ASMT: variants seen among roughly 807,000 people sequenced by gnomAD.
ASMT encodes the protein acetylserotonin O-methyltransferase.
A neutral mutation model predicts 41.3 loss-of-function variants in ASMT; 53 were observed. The ratio of observed to expected loss-of-function variants is 1.28; its 90% confidence interval spans 1.03 to 1.61. The LOEUF is 1.61. Among genes scored for constraint, ASMT ranks in the 40% most tolerant of loss-of-function variants. The probability of loss-of-function intolerance (pLI) is 0.00; values close to 1 mark genes in which losing one functional copy is unlikely to be tolerated. For synonymous variants in ASMT, 231 were observed against 184.8 expected (o/e 1.25, Z -2.03); for missense variants, 531 against 441.3 (o/e 1.20, Z -1.82).
At chrX:1,625,758 T>G (rs1306104847) in intron 3 of ASMT, among the ~76,000 whole-genome samples, 1 of 151,054 alleles carries the variant, frequency 6.6e-6, no homozygotes, top group Non-Finnish European at 1.5e-5. Flanking sequence ...ATCGAGACCA[T>G]CCTGGCTAAC....
chrX:1,625,173 C>T (rs62593337), intron 3 of ASMT, among the ~76,000 whole-genome samples: 19,244 of 148,406 alleles, frequency 0.13, 1,278 homozygotes, highest in Admixed American at 0.22. Flanking sequence ...GGCGCCATCT[C>T]GGCTCATTGC....
At chrX:1,620,356 C>T (rs774831876) in intron 1 of ASMT, among the ~76,000 whole-genome samples, 13 of 151,136 alleles carry the variant, frequency 8.6e-5, no homozygotes, top group South Asian at 2.1e-4. Flanking sequence ...TTAGTAGAGA[C>T]GGGGTTTCAC....
At chrX:1,635,364 C>G (rs1188133807) in intron 7 of ASMT, among the ~76,000 whole-genome samples, 1 of 152,090 alleles carries the variant, frequency 6.6e-6, no homozygotes, top group African/African-American at 2.4e-5. Context: ...AAAACTATGA[C>G]AAGACTTGAG....
At chrX:1,624,812 C>A (rs59975928) in intron 3 of ASMT, among the ~76,000 whole-genome samples, 2 of 66,108 alleles carry the variant, frequency 3.0e-5, no homozygotes, top group Non-Finnish European at 5.2e-5. Context: ...GTGGGGGCTG[C>A]ACCCAGGCAG....
intron 3 of ASMT, among the ~76,000 whole-genome samples, chrX:1,627,357 C>T (rs780290983): frequency 9.2e-4 from 137 of 148,408 alleles, no homozygotes; most frequent in Non-Finnish European, 1.6e-3. Flanking sequence ...TGTGGTGGCT[C>T]ACACCTGTAA....
rs749531858 is a variant in ASMT, at chrX:1,643,048, A to T, written c.*34A>T. ...TGTGACCTGGAACTAACGTCAAAGCACACAAGACATAATAATAAAGACATG... is the reference window on the plus strand; with the variant it reads ...TGTGACCTGGAACTAACGTCAAAGCTCACAAGACATAATAATAAAGACATG... On this transcript the variant is annotated 3_prime_UTR_variant, in exon 9 of 9. Transcript: ENST00000381241. 2 of 1,602,332 alleles carry T rather than the reference A, an allele frequency of 1.2e-6. No homozygotes were observed. Among genetic ancestry groups the T allele is most frequent in the Non-Finnish European group, 1.7e-6 (2 of 1,169,286 alleles).
chrX:1,616,121 A>G (rs150862298), intron 1 of ASMT, among the ~76,000 whole-genome samples: 3 of 149,088 alleles, frequency 2.0e-5, no homozygotes, highest in African/African-American at 7.7e-5. Flanking sequence ...CTCCGCCTCC[A>G]GGGTTCAGGC....
chrX:1,629,802 G>A lies in ASMT; in HGVS notation c.444-19G>A. On this transcript the variant is annotated intron_variant, in intron 4 of 8. Coordinates refer to ENST00000381241, the MANE Select transcript of ASMT (RefSeq NM_001171038.2). ...CCCCAGATCCTCACCATCTTGACAA[G>A]CGTGGTTTTGCATGCCAGGTCCGAG... is the stretch of plus-strand genomic sequence containing the variant. 6.2e-7 allele frequency: 1 copy of A among 1,611,570 alleles called. No homozygotes were observed. The highest frequency in any genetic ancestry group is 1.3e-5 in the African/African-American group (1 of 74,982).
intron 8 of ASMT, 115 bp downstream of exon 8, chrX:1,636,675 C>A: frequency 6.7e-7 from 1 of 1,488,616 alleles, no homozygotes; most frequent in Non-Finnish European, 9.4e-7. Context: ...AGACATCCTG[C>A]CCAATATGGC....
At chrX:1,618,325 G>C (rs1409621891) in intron 1 of ASMT, among the ~76,000 whole-genome samples, 1 of 152,010 alleles carries the variant, frequency 6.6e-6, no homozygotes, top group Non-Finnish European at 1.5e-5. Flanking sequence ...CACCACGCCC[G>C]GCTAATTTTT....
Position 1,633,181 on chromosome X carries a change from G to A in ASMT, c.678G>A (p.Met226Ile). The A allele has an allele frequency of 6.2e-7, 1 of 1,613,836 alleles. No homozygotes were observed. The highest frequency in any genetic ancestry group is 8.5e-7 in the Non-Finnish European group (1 of 1,179,848). ...GGAGALAKECMSLYPGCKITV... is the reference protein window; with the variant it reads ...GGAGALAKECISLYPGCKITV... ...CTGGAGCTCTGGCTAAGGAATGCAT[G>A]TCTCTGTACCCTGGATGTAAGATCA... The change falls in exon 7 of 9, where the codon ATG becomes ATA. Residue 226 changes from methionine to isoleucine, a missense_variant. Physicochemically the swap from Met to Ile is conservative, Grantham distance 10. Transcript: ENST00000381241.
chrX:1,620,088 G>A (rs1243339566), intron 1 of ASMT, among the ~76,000 whole-genome samples: 7 of 147,620 alleles, frequency 4.7e-5, no homozygotes, highest in East Asian at 2.0e-4. Context: ...GCCAGACTCC[G>A]TCTCAAAATA....
chrX:1,637,252 G>A lies in ASMT; in HGVS notation c.910+692G>A, dbSNP rs1203713479. On this transcript the variant is annotated intron_variant, in intron 8 of 8. Coordinates refer to ENST00000381241, the MANE Select transcript of ASMT (RefSeq NM_001171038.2). ...GGACACAGCCTCTGTGTGTGTGATG[G>A]GGACAGTGTCCCAGTGTCCTGTGAG... Among the ~76,000 whole-genome samples the A allele has an allele frequency of 6.5e-4, 6 of 9,296 alleles. 1 individual carries two copies. The highest frequency in any genetic ancestry group is 1.0e-3 in the Non-Finnish European group (6 of 5,770). 6.1% of individuals were successfully genotyped at this position (9,296 alleles called of 152,430 possible).
In ASMT at chrX:1,628,402, C is replaced by G. The variant is rs747693389; in HGVS notation, c.443+631C>G. On this transcript the variant is annotated intron_variant, in intron 4 of 8. Transcript: ENST00000381241. ...GGTGAGGCCAGGTGAGACCTCAGCT[C>G]TTCACTTTGCTTTGCGATGTGGACA... is the stretch of plus-strand genomic sequence containing the variant. Among the ~76,000 whole-genome samples the G allele has an allele frequency of 3.3e-5, 5 of 152,330 alleles. No individual in the cohort carries two copies. The East Asian group carries it at 5.8e-4, about 18-fold the overall frequency.
At chrX:1,629,683 G>C in intron 4 of ASMT, 138 bp from the exon 5 acceptor site, 1 of 845,698 alleles carries the variant, frequency 1.2e-6, no homozygotes, top group Non-Finnish European at 2.1e-6. Context: ...ATGACTTCCT[G>C]TTCCATTTCA....
chrX:1,619,438 G>A (rs368515821), intron 1 of ASMT, among the ~76,000 whole-genome samples: 198 of 150,050 alleles, frequency 1.3e-3, no homozygotes, highest in African/African-American at 4.5e-3. Context: ...AGAGCACTAG[G>A]ACAAATACCT....
At chrX:1,625,261 C>T (rs1405559956) in intron 3 of ASMT, among the ~76,000 whole-genome samples, 1 of 151,688 alleles carries the variant, frequency 6.6e-6, no homozygotes, top group Non-Finnish European at 1.5e-5. Flanking sequence ...CCCGCCACCA[C>T]ACCCGACTAA....
Position 1,636,296 on chromosome X carries a change from C to G in ASMT, c.788-142C>G, listed in dbSNP as rs1162647488. The G allele has an allele frequency of 2.9e-5, 37 of 1,255,114 alleles. No homozygotes were observed. The Admixed American group carries it at 3.8e-4, about 13-fold the overall frequency. The allele number at this position is 1,255,114 out of a possible 1,614,324, so 77.7% of individuals were successfully genotyped here. On this transcript the variant is annotated intron_variant, in intron 7 of 8. Coordinates refer to ENST00000381241, the MANE Select transcript of ASMT (RefSeq NM_001171038.2). ...TCTTTCTCCTAAGCCTTTTTGTTTT[C>G]TGAGGCTAGGTCTGCAGGTGACTAG... is the stretch of plus-strand genomic sequence containing the variant.
intron 1 of ASMT, among the ~76,000 whole-genome samples, chrX:1,617,304 T>C (rs1395127772): frequency 1.3e-5 from 2 of 151,690 alleles, no homozygotes; most frequent in African/African-American, 4.8e-5. Context: ...ACCCCGTCTC[T>C]ACTAGAAGTA....
Sources: allele counts gnomAD v4.1 joint callset (sites outside exome capture counted in the v4.1 genomes callset), GRCh38; gene constraint gnomAD v4.1.1; transcripts MANE v1.5; gene names NCBI Gene and HGNC (gene_info 2026-07-23, HGNC 2026-07-21).